The following A2M variants were observed in gnomAD, a reference collection of about 807,000 sequenced individuals.
The protein encoded by A2M is alpha-2-macroglobulin.
In A2M, 128 loss-of-function variants were observed where a neutral mutation model predicts 183.9. The observed-to-expected ratio is 0.70, with a 90% CI of 0.60 to 0.81. The LOEUF (loss-of-function observed/expected upper bound fraction) is 0.81, where lower values mean the gene tolerates loss of function less well. A2M is among the 30% of genes least tolerant of loss of function. A2M has a pLI of 0.00. For synonymous variants in A2M, 592 were observed against 670.8 expected (o/e 0.88, Z 1.81); for missense variants, 1,495 against 1,787.6 (o/e 0.84, Z 2.95).
chr12:9,106,637 T>C (rs1453603242), intron 8 of A2M, 32 bp from the exon 9 acceptor site: 1 of 1,159,508 alleles, frequency 8.6e-7, no homozygotes, highest in East Asian at 2.6e-5. Context: ...TACAAAAATA[T>C]AATGCATATT....
rs779838733 is a variant in A2M at position 9,089,301 on chromosome 12, C to T, written c.2719-50G>A. ...AGTGAGAATGGACTGACCTTCAGAA[C>T]ATGTGTTTTAATGGAGGGACCACAG... On this transcript the variant is annotated intron_variant, in intron 21 of 35. Coordinates refer to ENST00000318602, the MANE Select transcript of A2M (RefSeq NM_000014.6). 19 of 1,337,482 alleles carry T rather than the reference C, an allele frequency of 1.4e-5. No homozygotes were observed. In the Admixed American group the frequency reaches 3.7e-4, roughly 26 times the overall value. 82.9% of individuals were successfully genotyped at this position (1,337,482 alleles called of 1,614,324 possible). A position where few individuals can be genotyped will look rare whatever the true frequency, so the allele number is the denominator to read the frequency against.
At chr12:9,109,771 T>A (rs2137953930) in intron 6 of A2M, 96 bp downstream of exon 6, 1 of 1,238,584 alleles carries the variant, frequency 8.1e-7, no homozygotes, top group Non-Finnish European at 1.1e-6. Context: ...ATGTCACCCA[T>A]GGGAAATGGA....
chr12:9,070,960 A>G (rs968625311), intron 31 of A2M, among the ~76,000 whole-genome samples: 1 of 152,058 alleles, frequency 6.6e-6, no homozygotes, highest in Non-Finnish European at 1.5e-5. Flanking sequence ...AGCTGGGATT[A>G]CAGGCATGCA....
At chr12:9,069,838 A>G (rs1450126003) in intron 32 of A2M, 25 bp from the exon 33 acceptor site, 2 of 1,607,106 alleles carry the variant, frequency 1.2e-6, no homozygotes, top group African/African-American at 2.7e-5. Flanking sequence ...AATACCACAA[A>G]TGTTAATAAA....
rs767778303 is a variant in A2M at position 9,079,802 on chromosome 12, G to A, written c.2868C>T (p.Gly956=). 3.1e-6 allele frequency: 5 copies of A among 1,607,814 alleles called. No individual in the cohort carries two copies. In the South Asian group the frequency reaches 3.3e-5, roughly 11 times the overall value. The change falls in exon 24 of 36, where the codon GGC becomes GGT. Residue 956 remains glycine, a synonymous_variant. Coordinates refer to ENST00000318602, the MANE Select transcript of A2M (RefSeq NM_000014.6). ...ASVSVLGDIL[G]SAMQNTQNLL... is the part of the protein sequence containing the mutation. The stretch of plus-strand genomic sequence containing the variant: ...GATTTTGTGTGTTTTGCATGGCAGA[G>A]CCTAATATGTCTCCTAGAGAATGGG...
Position 9,105,904 on chromosome 12 carries a change from G to A in A2M, c.1104+332C>T, listed in dbSNP as rs116232877. 4.9e-3 allele frequency among the ~76,000 whole-genome samples: 744 copies of A among 152,204 alleles called. 3 individuals carry two copies. The highest frequency in any genetic ancestry group is 0.016 in the African/African-American group (679 of 41,538). On this transcript the variant is annotated intron_variant, in intron 10 of 35. Transcript: ENST00000318602. ...AATTTTGAGATTCTTGTGAGAAAAT[G>A]TCATAAAAACCTGAGACTGCCTGGT...
In A2M at chr12:9,101,492, A is replaced by G. The variant is rs749578045; in HGVS notation, c.1449T>C (p.Asn483=). The change falls in exon 12 of 36, where the codon AAT becomes AAC. Residue 483 remains asparagine (N), a synonymous_variant. Transcript: ENST00000318602. ...TCTTCAGCCCCAGCAGGGTGCCTCC[A>G]TTCAGAATATAATGTGCCTGGACTG... ...TQTVQAHYIL[N]GGTLLGLKKL... 22 of 1,613,818 alleles carry G rather than the reference A, an allele frequency of 1.4e-5. No individual in the cohort carries two copies. Among genetic ancestry groups the G allele is most frequent in the Non-Finnish European group, 1.8e-5 (21 of 1,179,876 alleles).
intron 2 of A2M, among the ~76,000 whole-genome samples, chr12:9,113,080 T>C (rs1938862696): frequency 6.7e-6 from 1 of 148,248 alleles, no homozygotes; most frequent in Non-Finnish European, 1.5e-5. Context: ...ATTTTTTCCA[T>C]CTTAATTTTA....
At chr12:9,089,133 A>G in intron 22 of A2M, 67 bp downstream of exon 22, 1 of 1,217,858 alleles carries the variant, frequency 8.2e-7, no homozygotes, top group Non-Finnish European at 1.2e-6. Flanking sequence ...GGAATAATAT[A>G]TAAATGTTCT....
chr12:9,107,219 T>C (rs1187001848), intron 8 of A2M, among the ~76,000 whole-genome samples: 1 of 152,228 alleles, frequency 6.6e-6, no homozygotes, highest in African/African-American at 2.4e-5. Context: ...AGAGCAGAAC[T>C]GATGGCCTGG....
Position 9,101,473 on chromosome 12 carries a change from GC to G in A2M, c.1467del (p.Leu490Ter), listed in dbSNP as rs1937841388. The G allele has an allele frequency of 1.2e-6, 2 of 1,613,758 alleles. No homozygotes were observed. The highest frequency in any genetic ancestry group is 1.7e-6 in the Non-Finnish European group (2 of 1,179,772). On this transcript the variant is annotated frameshift_variant, in exon 12 of 36. Transcript: ENST00000318602. LOFTEE classifies it high-confidence loss of function. ...HYILNGGTLL[G>X]LKKLSFYYLI... ...AGATAATAGAAGGAGAGCTTCTTCA[GC>G]CCCAGCAGGGTGCCTCCATTCAGAA...
intron 1 of A2M, among the ~76,000 whole-genome samples, chr12:9,114,658 TTTA>T (rs1158761010): frequency 2.0e-5 from 3 of 152,062 alleles, no homozygotes; most frequent in Non-Finnish European, 4.4e-5. Flanking sequence ...TTCTTACTTC[TTTA>T]TTGTCAAGCA....
rs767380855 is a variant in A2M at position 9,072,668 on chromosome 12, T to A, written c.3960A>T (p.Gly1320=). The A allele has an allele frequency of 1.9e-6, 3 of 1,614,182 alleles. No homozygotes were observed. Among genetic ancestry groups the A allele is most frequent in the Admixed American group, 1.7e-5 (1 of 60,020 alleles). The stretch of plus-strand genomic sequence containing the variant: ...AGAGTCTCACCTGGAGGTAGACACA[T>A]CCTTCTCCTGTCACTTTCATGCTGT... ...GEYSMKVTGE[G]CVYLQTSLKY... Residue 1320 remains glycine, a synonymous_variant, in exon 30 of 36, where the codon GGA becomes GGT. Coordinates refer to ENST00000318602, the MANE Select transcript of A2M (RefSeq NM_000014.6).
In A2M at chr12:9,080,112, C is replaced by T. The variant is rs1199262712; in HGVS notation, c.2836G>A (p.Ala946Thr). ...PPNVVEESAR[A>T]SVSVLGDILG... ...GACTCACCCAAAACTGAGACAGAAGCTCGGGCAGATTCTTCTACCACATTT... is the reference window on the plus strand; with the variant it reads ...GACTCACCCAAAACTGAGACAGAAGTTCGGGCAGATTCTTCTACCACATTT... The change falls in exon 23 of 36, where the codon GCT becomes ACT. Residue 946 changes from alanine (A) to threonine (T), a missense_variant. Physicochemically the swap from Ala to Thr is moderately conservative, Grantham distance 58. Coordinates refer to ENST00000318602, the MANE Select transcript of A2M (RefSeq NM_000014.6). The T allele has an allele frequency of 1.3e-6, 2 of 1,588,282 alleles. No individual in the cohort carries two copies. Among genetic ancestry groups the T allele is most frequent in the Middle Eastern group, 1.7e-4 (1 of 6,020 alleles).
chr12:9,103,739 G>C (rs1021403753), intron 11 of A2M, among the ~76,000 whole-genome samples: 2 of 152,140 alleles, frequency 1.3e-5, no homozygotes, highest in African/African-American at 2.4e-5. Context: ...CATGTGACAG[G>C]ATTTTCTTCC....
At chr12:9,089,170 G>A in intron 22 of A2M, 30 bp downstream of exon 22, 1 of 1,515,348 alleles carries the variant, frequency 6.6e-7, no homozygotes, top group Non-Finnish European at 9.0e-7. Flanking sequence ...AGACTTTAAT[G>A]TTTTTTAAAT....
chr12:9,073,800 A>G (rs1377680438), intron 29 of A2M, among the ~76,000 whole-genome samples: 1 of 152,178 alleles, frequency 6.6e-6, no homozygotes, highest in Non-Finnish European at 1.5e-5. Flanking sequence ...TAAGAGGTGA[A>G]TAGGGGGCTG....
intron 31 of A2M, 150 bp downstream of exon 31, chr12:9,072,209 T>A (rs1178966520): frequency 2.2e-6 from 2 of 909,298 alleles, no homozygotes; most frequent in Non-Finnish European, 3.3e-6. Context: ...AACCCCATCA[T>A]TGAGAAATTA....
intron 27 of A2M, 72 bp downstream of exon 27, chr12:9,077,274 T>C (rs1302523865): frequency 6.6e-6 from 9 of 1,369,584 alleles, no homozygotes; most frequent in Non-Finnish European, 7.2e-6. Context: ...TAGGATAGTA[T>C]TTCAGACAGC....
Sources: gnomAD v4.1 joint callset for allele counts (sites outside exome capture counted in the v4.1 genomes callset) on GRCh38, gnomAD v4.1.1 for gene constraint, MANE v1.5 for transcripts, NCBI Gene and HGNC (gene_info 2026-07-23, HGNC 2026-07-21) for gene names.